The following NUBPL variants were observed in gnomAD, a reference collection of about 807,000 sequenced individuals.
NUBPL encodes iron-sulfur cluster transfer protein NUBPL.
NUBPL carries 31 observed loss-of-function variants against 45.7 expected under a neutral mutation model. That is an observed-to-expected ratio of 0.68 (90% confidence interval 0.51 to 0.92). NUBPL has a LOEUF of 0.92. Among genes scored for constraint, NUBPL ranks in the 40% least tolerant of loss-of-function variants. NUBPL has a pLI of 0.00. For missense variants in NUBPL, 401 were observed against 398.7 expected (o/e 1.01, Z -0.05); for synonymous variants, 144 against 140.9 (o/e 1.02, Z -0.15).
intron 4 of NUBPL, among the ~76,000 whole-genome samples, chr14:31,671,596 A>G (rs1010408213): frequency 4.6e-5 from 7 of 152,248 alleles, no homozygotes; most frequent in African/African-American, 9.6e-5. Flanking sequence ...AATATTGCCA[A>G]CCGTGATAGC....
At chr14:31,561,690 A>C (rs1435941151) in intron 1 of NUBPL, 143 bp downstream of exon 1, 5 of 582,828 alleles carry the variant, frequency 8.6e-6, no homozygotes, top group Non-Finnish European at 1.4e-5. Context: ...CTTTTCAGGC[A>C]GGCCCAGGCT....
intron 6 of NUBPL, among the ~76,000 whole-genome samples, chr14:31,736,120 TTGTC>T (rs999957723): frequency 2.0e-4 from 30 of 152,288 alleles, no homozygotes; most frequent in African/African-American, 7.0e-4. Context: ...AAATAAGTGT[TTGTC>T]TGAAAAGTAT....
intron 3 of NUBPL, among the ~76,000 whole-genome samples, chr14:31,568,403 G>C (rs1308044542): frequency 6.6e-6 from 1 of 152,086 alleles, no homozygotes; most frequent in Non-Finnish European, 1.5e-5. Context: ...CACGCCCTTC[G>C]AGGCTGAACC....
At chr14:31,717,611 C>T (rs183260592) in intron 6 of NUBPL, among the ~76,000 whole-genome samples, 1 of 152,080 alleles carries the variant, frequency 6.6e-6, no homozygotes, top group African/African-American at 2.4e-5. Flanking sequence ...AATTTTGAAG[C>T]TTGCTTTTAA....
At chr14:31,666,823 C>A (rs913771821) in intron 4 of NUBPL, among the ~76,000 whole-genome samples, 1 of 151,970 alleles carries the variant, frequency 6.6e-6, no homozygotes, top group African/African-American at 2.4e-5. Flanking sequence ...CTTAGTTTGG[C>A]CGTATATGAA....
In NUBPL at chr14:31,634,022, A is replaced by G. The variant is rs577122515; in HGVS notation, c.382+34643A>G. On this transcript the variant is annotated intron_variant, in intron 4 of 10. Transcript: ENST00000281081. ...TAGTGAATGCACTTTTAGTCACCCA[A>G]TATAAAATGGTGGGCAATACAGTAA... Among the ~76,000 whole-genome samples, 130 of 152,194 alleles carry G rather than the reference A, an allele frequency of 8.5e-4. 1 individual carries two copies. The South Asian group carries it at 0.026, about 30-fold the overall frequency.
At chr14:31,832,127 A>T (rs1015052616) in intron 8 of NUBPL, among the ~76,000 whole-genome samples, 1 of 152,162 alleles carries the variant, frequency 6.6e-6, no homozygotes, top group Non-Finnish European at 1.5e-5. Flanking sequence ...TTTCTTCCTG[A>T]TGTAACAGTA....
intron 7 of NUBPL, among the ~76,000 whole-genome samples, chr14:31,818,158 G>A (rs1353202730): frequency 6.6e-6 from 1 of 151,970 alleles, no homozygotes; most frequent in Non-Finnish European, 1.5e-5. Context: ...GGAGCACCCA[G>A]ATTCATGTAG....
chr14:31,759,628 T>TA (rs1318003542), intron 6 of NUBPL, among the ~76,000 whole-genome samples: 2 of 151,884 alleles, frequency 1.3e-5, no homozygotes, highest in Admixed American at 6.6e-5. Context: ...TGATTTGACT[T>TA]ATGATTTTTC....
Position 31,747,236 on chromosome 14 carries a change from C to T in NUBPL, c.514-40544C>T, listed in dbSNP as rs984031321. Among the ~76,000 whole-genome samples, 6 of 150,276 alleles carry T rather than the reference C, an allele frequency of 4.0e-5. No individual in the cohort carries two copies. In the East Asian group the frequency reaches 5.9e-4, roughly 15 times the overall value. Reference sequence around the variant, plus strand: ...CTGCAAACTCTGCCTCCTGGGTTCACGCCATTCTCCTGCCTCAGCCTCCTG... The same window carrying T: ...CTGCAAACTCTGCCTCCTGGGTTCATGCCATTCTCCTGCCTCAGCCTCCTG... On this transcript the variant is annotated intron_variant, in intron 6 of 10. Transcript: ENST00000281081.
intron 7 of NUBPL, among the ~76,000 whole-genome samples, chr14:31,818,320 A>G (rs907227464): frequency 6.6e-6 from 1 of 152,168 alleles, no homozygotes; most frequent in African/African-American, 2.4e-5. Flanking sequence ...ATAGACATCT[A>G]CAGAACTCTC....
chr14:31,631,607 T>G (rs569659927), intron 4 of NUBPL, among the ~76,000 whole-genome samples: 4 of 152,164 alleles, frequency 2.6e-5, no homozygotes, highest in African/African-American at 9.6e-5. Context: ...ATGGTGTAGT[T>G]CCAGTATGAA....
At position 31,599,278 on chromosome 14, in the gene NUBPL, T is replaced by C; in HGVS notation, c.292-11T>C. On this transcript the variant is annotated splice_polypyrimidine_tract_variant and intron_variant, in intron 3 of 10. Coordinates refer to ENST00000281081, the MANE Select transcript of NUBPL (RefSeq NM_025152.3). ...TTGTTTTGTTTTATATTTTTATTTATTTTTTTACAGTCCAAGGCCATTGGT... is the reference window on the plus strand; with the variant it reads ...TTGTTTTGTTTTATATTTTTATTTACTTTTTTACAGTCCAAGGCCATTGGT... 6.3e-7 allele frequency: 1 copy of C among 1,588,866 alleles called. No homozygotes were observed. The highest frequency in any genetic ancestry group is 8.6e-7 in the Non-Finnish European group (1 of 1,158,728).
At chr14:31,674,806 C>CA (rs575869847) in intron 6 of NUBPL, among the ~76,000 whole-genome samples, 2 of 152,066 alleles carry the variant, frequency 1.3e-5, no homozygotes, top group Non-Finnish European at 2.9e-5. Context: ...GAAGATTTGG[C>CA]AAAAACAAGC....
intron 10 of NUBPL, among the ~76,000 whole-genome samples, chr14:31,856,044 A>G (rs979801016): frequency 1.3e-5 from 2 of 152,192 alleles, no homozygotes; most frequent in Non-Finnish European, 2.9e-5. Context: ...ATATTATTTT[A>G]TTCGTTTGTT....
At chr14:31,661,247 G>A (rs1051784549) in intron 4 of NUBPL, among the ~76,000 whole-genome samples, 1 of 152,142 alleles carries the variant, frequency 6.6e-6, no homozygotes, top group Non-Finnish European at 1.5e-5. Flanking sequence ...GAAAATATGA[G>A]GAGGTAGGAA....
At chr14:31,756,865 G>T (rs1451478525) in intron 6 of NUBPL, among the ~76,000 whole-genome samples, 1 of 149,826 alleles carries the variant, frequency 6.7e-6, no homozygotes, top group African/African-American at 2.4e-5. Context: ...ATTATTTTGA[G>T]ATACGTCCCA....
intron 4 of NUBPL, among the ~76,000 whole-genome samples, chr14:31,661,875 T>C (rs1321795242): frequency 6.6e-6 from 1 of 152,192 alleles, no homozygotes; most frequent in African/African-American, 2.4e-5. Context: ...AGCAAAATGC[T>C]TTTAGGCAAT....
At chr14:31,651,823 TG>T (rs766923900) in intron 4 of NUBPL, among the ~76,000 whole-genome samples, 1 of 149,222 alleles carries the variant, frequency 6.7e-6, no homozygotes, top group Non-Finnish European at 1.5e-5. Context: ...GGCATGAACC[TG>T]GGAGGCAGAG....
Sources: allele counts gnomAD v4.1 joint callset (sites outside exome capture counted in the v4.1 genomes callset), GRCh38; gene constraint gnomAD v4.1.1; transcripts MANE v1.5; gene names NCBI Gene and HGNC (gene_info 2026-07-23, HGNC 2026-07-21).